FBXO9: variants seen among roughly 807,000 people sequenced by gnomAD.
The protein encoded by FBXO9 is F-box only protein 9.
FBXO9 carries 43 observed loss-of-function variants against 63.7 expected under a neutral mutation model. The observed-to-expected ratio is 0.67, with a 90% confidence interval of 0.53 to 0.87. The LOEUF (loss-of-function observed/expected upper bound fraction) is 0.87. Ranked by LOEUF, FBXO9 falls within the 40% of genes least tolerant of loss-of-function variation. FBXO9 has a pLI of 0.00. For missense variants in FBXO9, 442 were observed against 533.2 expected (o/e 0.83, Z 1.68); for synonymous variants, 156 against 171.7 (o/e 0.91, Z 0.72).
intron 3 of FBXO9, among the ~76,000 whole-genome samples, chr6:53,075,941 A>G (rs1362179621): frequency 6.6e-6 from 1 of 151,570 alleles, no homozygotes; most frequent in Admixed American, 6.6e-5. Context: ...ATGGGGTTTC[A>G]TCTTGTTGGC....
rs369740577 is a variant in FBXO9 at position 53,093,428 on chromosome 6, G to C, written c.864-38G>C. 1.6e-4 allele frequency: 219 copies of C among 1,381,984 alleles called. No individual in the cohort carries two copies. In the African/African-American group the frequency reaches 2.9e-3, roughly 19 times the overall value. 85.6% of individuals were successfully genotyped at this position (1,381,984 alleles called of 1,614,324 possible). On this transcript the variant is annotated intron_variant, in intron 9 of 12. Transcript: ENST00000323557. ...TAAGGACATATTTTATACTTTGTGT[G>C]GGGGGTGTGTTTTGGTCTTCCTTTT...
chr6:53,073,476 C>T lies in FBXO9; in HGVS notation c.91-5C>T, dbSNP rs1332442819. ...ATGAGTCCTAAAATGCTGTTCTCCC[C>T]ATAGGCACAACTCCAGATGTTCCGA... is the stretch of plus-strand genomic sequence containing the variant. On this transcript the variant is annotated splice_polypyrimidine_tract_variant and splice_region_variant and intron_variant, in intron 2 of 12. Transcript: ENST00000323557. The T allele has an allele frequency of 6.2e-7, 1 of 1,612,950 alleles. No homozygotes were observed. Among genetic ancestry groups the T allele is most frequent in the Admixed American group, 1.7e-5 (1 of 59,878 alleles).
Position 53,097,881 on chromosome 6 carries a change from G to A in FBXO9, c.*51G>A, listed in dbSNP as rs1451595747. On this transcript the variant is annotated 3_prime_UTR_variant, in exon 13 of 13. Coordinates refer to ENST00000323557, the MANE Select transcript of FBXO9 (RefSeq NM_033480.3). Reference sequence around the variant, plus strand: ...TTTTGCATGAATTAAAGTATATAGCGCAAAAGAGCACCTAAGTTATAAATG... The same window carrying A: ...TTTTGCATGAATTAAAGTATATAGCACAAAAGAGCACCTAAGTTATAAATG... The A allele has an allele frequency of 5.2e-5, 44 of 840,582 alleles. No individual in the cohort carries two copies. The highest frequency in any genetic ancestry group is 7.4e-5 in the Non-Finnish European group (42 of 570,518). 52.1% of individuals were successfully genotyped at this position (840,582 alleles called of 1,614,324 possible). A position where few individuals can be genotyped will look rare whatever the true frequency, so the allele number is the denominator to read the frequency against.
intron 4 of FBXO9, among the ~76,000 whole-genome samples, chr6:53,077,364 T>G (rs1037201385): frequency 4.0e-5 from 6 of 148,712 alleles, no homozygotes; most frequent in African/African-American, 1.5e-4. Flanking sequence ...TCCCAGCTAC[T>G]TGGGAGGCTG....
At chr6:53,088,553 T>C (rs1207219205) in intron 7 of FBXO9, among the ~76,000 whole-genome samples, 2 of 152,096 alleles carry the variant, frequency 1.3e-5, no homozygotes, top group East Asian at 1.9e-4. Flanking sequence ...GTCAGGAGTT[T>C]AGACCTGTGT....
Position 53,065,477 on chromosome 6 carries a change from G to T in FBXO9, c.-313G>T, listed in dbSNP as rs1007496285. The stretch of plus-strand genomic sequence containing the variant: ...CGGCGGCGTCCGGGGTCTCCAGTAG[G>T]GCTGACGCTCCGGTGCTCGCACAAT... On this transcript the variant is annotated 5_prime_UTR_variant, in exon 1 of 13. Transcript: ENST00000323557. The T allele has an allele frequency of 3.0e-5, 10 of 338,550 alleles. No homozygotes were observed. The highest frequency in any genetic ancestry group is 4.8e-5 in the Non-Finnish European group (9 of 187,358). 21.0% of individuals were successfully genotyped at this position (338,550 alleles called of 1,614,324 possible). A position where few individuals can be genotyped will look rare whatever the true frequency, so the allele number is the denominator to read the frequency against.
chr6:53,065,007 G>T (rs1041929929), upstream of FBXO9: 2 of 152,234 alleles, frequency 1.3e-5, no homozygotes, highest in African/African-American at 4.8e-5. Flanking sequence ...TCTCCAGTCT[G>T]TCTGTGCTCT....
At chr6:53,091,531 G>C (rs765882134) in intron 7 of FBXO9, 7 of 152,192 alleles carry the variant, frequency 4.6e-5, no homozygotes, top group Non-Finnish European at 1.0e-4. Context: ...ACCATGCACA[G>C]CTAATTTTTG....
At chr6:53,068,752 A>G (rs1364792472) in intron 1 of FBXO9, among the ~76,000 whole-genome samples, 2 of 150,478 alleles carry the variant, frequency 1.3e-5, no homozygotes, top group Non-Finnish European at 2.9e-5. Flanking sequence ...TCCCAGGCTC[A>G]AGCAATCCTC....
intron 5 of FBXO9, among the ~76,000 whole-genome samples, chr6:53,080,155 C>CTT (rs544667929): frequency 2.0e-5 from 3 of 148,228 alleles, no homozygotes; most frequent in African/African-American, 7.4e-5. Context: ...AAGGATTCAT[C>CTT]TTTTTTTTTT....
intron 7 of FBXO9, among the ~76,000 whole-genome samples, chr6:53,086,019 C>T (rs1028535380): frequency 5.9e-5 from 9 of 152,192 alleles, no homozygotes; most frequent in African/African-American, 1.2e-4. Flanking sequence ...CGTGGTGGCT[C>T]ATGCCTATAA....
chr6:53,081,034 A>T lies in FBXO9; in HGVS notation c.474A>T (p.Thr158=), dbSNP rs751892196. The T allele has an allele frequency of 6.2e-7, 1 of 1,613,466 alleles. No individual in the cohort carries two copies. Among genetic ancestry groups the T allele is most frequent in the Non-Finnish European group, 8.5e-7 (1 of 1,179,884 alleles). ...DLLSYFQQQL[T]FQESVLKLCQ... ...TGTCCTACTTCCAGCAGCAACTCAC[A>T]TTTCAGGAGTCTGTGCTTAAACTGT... The change falls in exon 6 of 13, where the codon ACA becomes ACT. Residue 158 remains threonine (T), a synonymous_variant. Coordinates refer to ENST00000323557, the MANE Select transcript of FBXO9 (RefSeq NM_033480.3).
Position 53,098,172 on chromosome 6 carries a change from G to A in FBXO9, c.*342G>A. On this transcript the variant is annotated 3_prime_UTR_variant, in exon 13 of 13. Coordinates refer to ENST00000323557, the MANE Select transcript of FBXO9 (RefSeq NM_033480.3). ...CCTTTTTCAAGCAGATTTATGAGCA[G>A]ATTTCTGTCACATAAGTCGTCTTCT... 2.6e-6 allele frequency: 1 copy of A among 386,380 alleles called. No individual in the cohort carries two copies. Among genetic ancestry groups the A allele is most frequent in the South Asian group, 1.9e-5 (1 of 51,880 alleles). The allele number at this position is 386,380 out of a possible 1,614,324, so 23.9% of individuals were successfully genotyped here.
chr6:53,065,180 C>G (rs930211359), upstream of FBXO9: 1 of 152,290 alleles, frequency 6.6e-6, no homozygotes, highest in East Asian at 1.9e-4. Flanking sequence ...AGGGCCCACC[C>G]CTAAATTTGG....
At chr6:53,088,832 G>A (rs1027739352) in intron 7 of FBXO9, among the ~76,000 whole-genome samples, 4 of 151,862 alleles carry the variant, frequency 2.6e-5, no homozygotes, top group African/African-American at 7.3e-5. Context: ...ACTCCCAACC[G>A]CAGGTGATCC....
chr6:53,075,043 G>A (rs1481701646), intron 3 of FBXO9, among the ~76,000 whole-genome samples: 1 of 152,128 alleles, frequency 6.6e-6, no homozygotes, highest in Non-Finnish European at 1.5e-5. Context: ...GTTTTCTAGA[G>A]TATCTTATAT....
intron 1 of FBXO9, among the ~76,000 whole-genome samples, chr6:53,068,512 G>T (rs1768789690): frequency 6.6e-6 from 1 of 151,936 alleles, no homozygotes; most frequent in Non-Finnish European, 1.5e-5. Context: ...CTTTACAAAA[G>T]CATTTACTAT....
At chr6:53,086,104 G>A (rs942597644) in intron 7 of FBXO9, among the ~76,000 whole-genome samples, 2 of 152,152 alleles carry the variant, frequency 1.3e-5, no homozygotes, top group African/African-American at 2.4e-5. Flanking sequence ...AGCTAAGATC[G>A]CACCATTGCG....
chr6:53,089,995 A>G (rs956741635), intron 7 of FBXO9, among the ~76,000 whole-genome samples: 4 of 152,256 alleles, frequency 2.6e-5, no homozygotes, highest in African/African-American at 7.2e-5. Context: ...CACAATGGGA[A>G]TACACATGCC....
Sources: gnomAD v4.1 joint callset for allele counts (sites outside exome capture counted in the v4.1 genomes callset) on GRCh38, gnomAD v4.1.1 for gene constraint, MANE v1.5 for transcripts, NCBI Gene and HGNC (gene_info 2026-07-23, HGNC 2026-07-21) for gene names.